AGAP1: variants seen among roughly 807,000 people sequenced by gnomAD.
The protein encoded by AGAP1 is ArfGAP with GTPase domain, ankyrin repeat and PH domain 1.
AGAP1 carries 29 observed loss-of-function variants against 105.3 expected under a neutral mutation model. That is an observed-to-expected ratio of 0.28 (90% CI 0.21 to 0.38). The LOEUF (loss-of-function observed/expected upper bound fraction) is 0.38. Ranked by LOEUF, AGAP1 falls within the 10% of genes least tolerant of loss-of-function variation. The pLI, the probability that AGAP1 is intolerant of heterozygous loss-of-function variation, is 1.00. For missense variants in AGAP1, 998 were observed against 1,165.1 expected (o/e 0.86, Z 2.09); for synonymous variants, 509 against 485.9 (o/e 1.05, Z -0.63).
At chr2:235,813,251 TA>T (rs1373025405) in intron 9 of AGAP1, among the ~76,000 whole-genome samples, 2 of 152,238 alleles carry the variant, frequency 1.3e-5, no homozygotes, top group Non-Finnish European at 2.9e-5. Context: ...TATTTGGAAT[TA>T]CTTTACCCAA....
Position 236,042,392 on chromosome 2 carries a change from G to A in AGAP1, c.1891+1551G>A, listed in dbSNP as rs1559219052. On this transcript the variant is annotated intron_variant, in intron 15 of 17. Coordinates refer to ENST00000304032, the MANE Select transcript of AGAP1 (RefSeq NM_001037131.3). This position sits in a 1 kb window ranked among gnomAD's most constrained non-coding sequence, Gnocchi z 5.6. The stretch of plus-strand genomic sequence containing the variant: ...GGGGTTCTTCTCCAGGTATCTTGAG[G>A]TTCTTCTTTAAAGTACCTCCTTATG... 6.6e-6 allele frequency among the ~76,000 whole-genome samples: 1 copy of A among 152,172 alleles called. No homozygotes were observed. The highest frequency in any genetic ancestry group is 1.5e-5 in the Non-Finnish European group (1 of 68,040).
intron 13 of AGAP1, among the ~76,000 whole-genome samples, chr2:235,975,880 A>G (rs1194145881): frequency 6.6e-6 from 1 of 152,204 alleles, no homozygotes; most frequent in African/African-American, 2.4e-5. Flanking sequence ...TGCATAATCA[A>G]CAGTAATTTT....
At chr2:235,715,719 G>T (rs1951067959) in intron 2 of AGAP1, among the ~76,000 whole-genome samples, 1 of 152,194 alleles carries the variant, frequency 6.6e-6, no homozygotes, top group South Asian at 2.1e-4. Flanking sequence ...AAAAGCAGGT[G>T]CTTGCAGGCA....
At chr2:235,898,479 C>A (rs1413178728) in intron 10 of AGAP1, among the ~76,000 whole-genome samples, 3 of 131,422 alleles carry the variant, frequency 2.3e-5, no homozygotes, top group Non-Finnish European at 3.2e-5. Flanking sequence ...GGTTCCCCCC[C>A]CCACCCCCAC....
Position 235,720,702 on chromosome 2 carries a change from A to G in AGAP1, c.310+3058A>G. The G allele has an allele frequency of 1.0e-6, 1 of 985,242 alleles. No individual in the cohort carries two copies. The highest frequency in any genetic ancestry group is 1.2e-6 in the Non-Finnish European group (1 of 829,868). 61.0% of individuals were successfully genotyped at this position (985,242 alleles called of 1,614,324 possible). ...TTAATGTCTGTGCCCTGTTCTTCTGATTTAATTAGTGCGTGAGTATCCTTT... is the reference window on the plus strand; with the variant it reads ...TTAATGTCTGTGCCCTGTTCTTCTGGTTTAATTAGTGCGTGAGTATCCTTT... On this transcript the variant is annotated intron_variant, in intron 3 of 17. Transcript: ENST00000304032. This position sits in a 1 kb window ranked among gnomAD's most constrained non-coding sequence, Gnocchi z 5.0.
At chr2:235,928,439 C>CG (rs2052559681) in intron 11 of AGAP1, among the ~76,000 whole-genome samples, 1 of 152,196 alleles carries the variant, frequency 6.6e-6, no homozygotes. Context: ...CCCAGCAAGA[C>CG]AACTGCTCGG....
At chr2:235,519,971 G>T (rs925610284) in intron 1 of AGAP1, among the ~76,000 whole-genome samples, 9 of 152,070 alleles carry the variant, frequency 5.9e-5, no homozygotes, top group African/African-American at 1.9e-4. Context: ...TTTTAATAGG[G>T]ATGGGGTTTC....
In AGAP1 at chr2:235,971,243, G is replaced by T. The variant is rs539089941; in HGVS notation, c.1645+2620G>T. Among the ~76,000 whole-genome samples, 1 of 152,182 alleles carries T rather than the reference G, an allele frequency of 6.6e-6. No individual in the cohort carries two copies. The highest frequency in any genetic ancestry group is 2.4e-5 in the African/African-American group (1 of 41,510). On this transcript the variant is annotated intron_variant, in intron 13 of 17. Transcript: ENST00000304032. The surrounding 1 kb of genome is among the most constrained non-coding windows in gnomAD (Gnocchi z 4.8). The stretch of plus-strand genomic sequence containing the variant: ...CAGACTACAAATGAGTCACTTTTGT[G>T]AAAAAGTCTATATTTCATTTTTTCA...
chr2:235,653,438 T>C (rs1947671197), intron 1 of AGAP1, among the ~76,000 whole-genome samples: 1 of 151,934 alleles, frequency 6.6e-6, no homozygotes, highest in South Asian at 2.1e-4. Context: ...CATTCCAGCC[T>C]GGGCGAAAGA....
chr2:235,929,973 C>A (rs1337952924), intron 11 of AGAP1, among the ~76,000 whole-genome samples: 2 of 152,162 alleles, frequency 1.3e-5, no homozygotes, highest in Admixed American at 1.3e-4. Flanking sequence ...CTCCGAAGAT[C>A]TGCAAATAGA....
rs1348584190 is a variant in AGAP1 at position 235,517,765 on chromosome 2, C to T, written c.163+22916C>T. Among the ~76,000 whole-genome samples, 3 of 151,832 alleles carry T rather than the reference C, an allele frequency of 2.0e-5. No individual in the cohort carries two copies. Among genetic ancestry groups the T allele is most frequent in the African/African-American group, 4.8e-5 (2 of 41,334 alleles). ...CAGCCTGGCCAACATGGTGAAACCC[C>T]GTTTCTACTAAAAATACAAAAATTA... On this transcript the variant is annotated intron_variant, in intron 1 of 17. Coordinates refer to ENST00000304032, the MANE Select transcript of AGAP1 (RefSeq NM_001037131.3). This position sits in a 1 kb window ranked among gnomAD's most constrained non-coding sequence, Gnocchi z 4.1.
At chr2:235,821,220 T>C (rs1266373433) in intron 9 of AGAP1, among the ~76,000 whole-genome samples, 1 of 152,146 alleles carries the variant, frequency 6.6e-6, no homozygotes, top group Non-Finnish European at 1.5e-5. Context: ...GTACAGCCAT[T>C]AAAATGGCCA....
At chr2:236,068,193 T>A (rs564973418) in intron 16 of AGAP1, among the ~76,000 whole-genome samples, 1 of 151,556 alleles carries the variant, frequency 6.6e-6, no homozygotes, top group Non-Finnish European at 1.5e-5. Context: ...ATTGCTTGAA[T>A]CCAGGAGGCA....
intron 10 of AGAP1, among the ~76,000 whole-genome samples, chr2:235,897,166 T>A (rs1219257015): frequency 6.6e-6 from 1 of 152,164 alleles, no homozygotes; most frequent in Non-Finnish European, 1.5e-5. Context: ...CGCTGCAACC[T>A]CTGTCTCCAG....
chr2:235,509,791 G>T (rs1276641125), intron 1 of AGAP1, among the ~76,000 whole-genome samples: 1 of 152,118 alleles, frequency 6.6e-6, no homozygotes, highest in Non-Finnish European at 1.5e-5. Context: ...CCAGCCTCTG[G>T]GCCATGGACC....
rs370716770 is a variant in AGAP1, at chr2:235,740,944, T to G, written c.311-19T>G. The G allele has an allele frequency of 3.1e-6, 5 of 1,613,754 alleles. No individual in the cohort carries two copies. In the African/African-American group the frequency reaches 6.7e-5, roughly 21 times the overall value. On this transcript the variant is annotated intron_variant, in intron 3 of 17. Transcript: ENST00000304032. The surrounding 1 kb of genome is among the most constrained non-coding windows in gnomAD (Gnocchi z 5.7). ...TCTCTGTTGTTCTCGTGTAACGAGA[T>G]GTTTTGTGTGTGTGGCAGGTGGCAG... is the stretch of plus-strand genomic sequence containing the variant.
intron 1 of AGAP1, among the ~76,000 whole-genome samples, chr2:235,627,219 T>C (rs1343011151): frequency 7.5e-6 from 1 of 133,292 alleles, no homozygotes; most frequent in Non-Finnish European, 1.6e-5. Context: ...TTTTTTTTGA[T>C]AGGGTCTCTG....
Position 235,908,708 on chromosome 2 carries a change from TC to T in AGAP1, c.1156-29del. 2 of 1,517,018 alleles carry T rather than the reference TC, an allele frequency of 1.3e-6. No individual in the cohort carries two copies. The highest frequency in any genetic ancestry group is 2.9e-5 in the African/African-American group (2 of 70,066). The allele number at this position is 1,517,018 out of a possible 1,614,324, so 94.0% of individuals were successfully genotyped here. ...GTAAAAGGTCTTTTTTTTTTTTTTA[TC>T]TCTCTTGGATGTTTAACATTTTCAA... is the stretch of plus-strand genomic sequence containing the variant. On this transcript the variant is annotated intron_variant, in intron 10 of 17. Transcript: ENST00000304032. The surrounding 1 kb of genome is among the most constrained non-coding windows in gnomAD (Gnocchi z 4.4).
intron 12 of AGAP1, among the ~76,000 whole-genome samples, chr2:235,932,834 T>C (rs1250509348): frequency 6.6e-6 from 1 of 152,226 alleles, no homozygotes; most frequent in Non-Finnish European, 1.5e-5. Flanking sequence ...AGCCTCCGTT[T>C]GGTTGGAAGT....
Sources: allele counts gnomAD v4.1 joint callset (sites outside exome capture counted in the v4.1 genomes callset), GRCh38; gene constraint gnomAD v4.1.1; non-coding constraint Gnocchi (gnomAD v3.1); transcripts MANE v1.5; gene names NCBI Gene and HGNC (gene_info 2026-07-23, HGNC 2026-07-21).